The following ALK variants were observed in gnomAD, a reference collection of about 807,000 sequenced individuals.
ALK encodes ALK receptor tyrosine kinase, also known as ALK tyrosine kinase receptor.
Under a neutral mutation model 163.1 loss-of-function variants are expected in ALK, and 74 were observed. The observed-to-expected ratio is 0.45, with a 90% CI of 0.38 to 0.55. The LOEUF (loss-of-function observed/expected upper bound fraction) is 0.55, where lower values mean the gene tolerates loss of function less well. Ranked by LOEUF, ALK falls within the 20% of genes least tolerant of loss-of-function variation. ALK has a pLI of 0.00. For synonymous variants in ALK, 960 were observed against 843.2 expected (o/e 1.14, Z -2.40); for missense variants, 2,063 against 2,105.3 (o/e 0.98, Z 0.39).
At chr2:29,315,657 G>A (rs1324817717) in intron 8 of ALK, among the ~76,000 whole-genome samples, 3 of 152,154 alleles carry the variant, frequency 2.0e-5, no homozygotes, top group African/African-American at 7.2e-5. Context: ...CCAGGGTGGG[G>A]CATTTGTTAC....
At chr2:29,214,898 A>G (rs1372889456) in intron 23 of ALK, among the ~76,000 whole-genome samples, 1 of 152,224 alleles carries the variant, frequency 6.6e-6, no homozygotes, top group African/African-American at 2.4e-5. Context: ...TTCCAGAGAC[A>G]GGGATCTCAC....
At chr2:29,446,937 C>A (rs915686139) in intron 4 of ALK, among the ~76,000 whole-genome samples, 1 of 152,116 alleles carries the variant, frequency 6.6e-6, no homozygotes, top group Non-Finnish European at 1.5e-5. Flanking sequence ...ATATTCTTTT[C>A]CAGTCTTCAT....
At chr2:29,367,426 G>A (rs2148290681) in intron 5 of ALK, among the ~76,000 whole-genome samples, 1 of 152,340 alleles carries the variant, frequency 6.6e-6, no homozygotes, top group East Asian at 1.9e-4. Flanking sequence ...TCTGTAAAAT[G>A]AGGGAGGAAG....
intron 27 of ALK, 113 bp from the exon 28 acceptor site, chr2:29,196,973 C>T (rs2148142329): frequency 1.2e-6 from 1 of 845,328 alleles, no homozygotes; most frequent in Non-Finnish European, 2.0e-6. Flanking sequence ...CTCGTCTAGG[C>T]CCCGTGTACT....
At chr2:29,466,481 T>C (rs572300873) in intron 4 of ALK, among the ~76,000 whole-genome samples, 2 of 152,226 alleles carry the variant, frequency 1.3e-5, no homozygotes, top group African/African-American at 2.4e-5. Context: ...TGGAAATCTA[T>C]TCTAAAATGT....
At chr2:29,717,425 C>A (rs1679293072) in intron 2 of ALK, 153 bp downstream of exon 2, 6 of 901,590 alleles carry the variant, frequency 6.7e-6, no homozygotes, top group Non-Finnish European at 1.1e-5. Context: ...GGTTGAGCGT[C>A]ACTGGGAGAC....
At position 29,192,855 on chromosome 2, in the gene ALK, A is replaced by G. The variant is rs559002202; in HGVS notation, c.*369T>C. 7.7e-6 allele frequency: 3 copies of G among 391,898 alleles called. No homozygotes were observed. The highest frequency in any genetic ancestry group is 1.4e-5 in the Non-Finnish European group (3 of 211,350). The allele number at this position is 391,898 out of a possible 1,614,324, so 24.3% of individuals were successfully genotyped here. On this transcript the variant is annotated 3_prime_UTR_variant, in exon 29 of 29. Coordinates refer to ENST00000389048, the MANE Select transcript of ALK (RefSeq NM_004304.5). ...GTCCACATCAACAAGGCAAGGAAAC[A>G]TCTATGACCCCAACTATGAAACATA...
At chr2:29,452,206 C>A (rs1670836641) in intron 4 of ALK, among the ~76,000 whole-genome samples, 1 of 152,202 alleles carries the variant, frequency 6.6e-6, no homozygotes, top group Admixed American at 6.5e-5. Flanking sequence ...TTACTCCCTG[C>A]ACTCCAGCCA....
chr2:29,856,095 T>C (rs538116141), intron 1 of ALK, among the ~76,000 whole-genome samples: 13 of 152,158 alleles, frequency 8.5e-5, no homozygotes, highest in Non-Finnish European at 1.9e-4. Context: ...GATTAATGTA[T>C]TGAGGTTCTC....
chr2:29,918,179 G>A (rs1667886310), intron 1 of ALK, among the ~76,000 whole-genome samples: 2 of 152,302 alleles, frequency 1.3e-5, no homozygotes, highest in East Asian at 1.9e-4. Flanking sequence ...TGGCAGGTTC[G>A]GGGCTGTAGA....
chr2:29,588,620 T>C (rs1304489341), intron 3 of ALK, among the ~76,000 whole-genome samples: 2 of 152,186 alleles, frequency 1.3e-5, no homozygotes, highest in Non-Finnish European at 2.9e-5. Flanking sequence ...GCAAACTTTT[T>C]CTATAAAGGA....
At chr2:29,741,606 G>A (rs1680058844) in intron 1 of ALK, among the ~76,000 whole-genome samples, 1 of 152,164 alleles carries the variant, frequency 6.6e-6, no homozygotes, top group African/African-American at 2.4e-5. Context: ...GAGCTGCTTG[G>A]TTATTGAAGT....
chr2:29,271,391 G>A (rs759261503), intron 11 of ALK, among the ~76,000 whole-genome samples: 25 of 152,312 alleles, frequency 1.6e-4, no homozygotes, highest in African/African-American at 2.4e-4. Flanking sequence ...AATCAGGAGC[G>A]TGTGTGAAAG....
At chr2:29,494,392 A>T (rs1416700547) in intron 4 of ALK, among the ~76,000 whole-genome samples, 1 of 152,124 alleles carries the variant, frequency 6.6e-6, no homozygotes, top group Non-Finnish European at 1.5e-5. Flanking sequence ...AGATGCTAAC[A>T]CTACAGAGAG....
intron 1 of ALK, among the ~76,000 whole-genome samples, chr2:29,845,488 G>A (rs1165924873): frequency 6.6e-6 from 1 of 152,046 alleles, no homozygotes; most frequent in Non-Finnish European, 1.5e-5. Flanking sequence ...ATGCTGGAGT[G>A]CAATGGCACT....
intron 1 of ALK, among the ~76,000 whole-genome samples, chr2:29,801,667 T>G (rs1664471306): frequency 6.6e-6 from 1 of 152,232 alleles, no homozygotes; most frequent in Non-Finnish European, 1.5e-5. Context: ...CCTGCCTGAC[T>G]TCTTTCTTTT....
At chr2:29,334,888 C>G (rs1014455901) in intron 5 of ALK, among the ~76,000 whole-genome samples, 2 of 152,200 alleles carry the variant, frequency 1.3e-5, no homozygotes, top group East Asian at 3.9e-4. Context: ...TCTGTCTTCT[C>G]AAGTTCTGTT....
chr2:29,830,294 A>G (rs549892187), intron 1 of ALK, among the ~76,000 whole-genome samples: 27 of 152,348 alleles, frequency 1.8e-4, no homozygotes, highest in African/African-American at 6.5e-4. Flanking sequence ...CCAATCTTCA[A>G]AAAGTAGGGT....
intron 3 of ALK, among the ~76,000 whole-genome samples, chr2:29,683,716 C>A (rs1678150961): frequency 6.6e-6 from 1 of 152,172 alleles, no homozygotes; most frequent in African/African-American, 2.4e-5. Flanking sequence ...CCCCCATTCC[C>A]AGATATGATG....
Sources: allele counts gnomAD v4.1 joint callset (sites outside exome capture counted in the v4.1 genomes callset), GRCh38; gene constraint gnomAD v4.1.1; transcripts MANE v1.5; gene names NCBI Gene and HGNC (gene_info 2026-07-23, HGNC 2026-07-21).